Variants in PARD3 observed in about 807,000 individuals in gnomAD.
The protein encoded by PARD3 is partitioning defective 3 homolog.
Under a neutral mutation model 155.4 loss-of-function variants are expected in PARD3, and 75 were observed. The ratio of observed to expected loss-of-function variants is 0.48; its 90% confidence interval spans 0.40 to 0.58. The LOEUF (loss-of-function observed/expected upper bound fraction) is 0.58. Among genes scored for constraint, PARD3 ranks in the 20% least tolerant of loss-of-function variants. PARD3 has a pLI of 0.00. For missense variants in PARD3, 1,642 were observed against 1,721.7 expected (o/e 0.95, Z 0.82); for synonymous variants, 576 against 610.5 (o/e 0.94, Z 0.83).
In PARD3 at chr10:34,478,903, T is replaced by C. The variant is rs574873309; in HGVS notation, c.404-8640A>G. ...ATTTTTCTGAGGCATATTAAATCTA[T>C]ACCATTACAATTCTCACTCTGAAAC... On this transcript the variant is annotated intron_variant, in intron 3 of 24. Transcript: ENST00000374788. Among the ~76,000 whole-genome samples the C allele has an allele frequency of 6.6e-5, 10 of 152,280 alleles. No homozygotes were observed. The South Asian group carries it at 2.1e-3, about 32-fold the overall frequency.
chr10:34,474,209 C>T (rs2078549735), intron 3 of PARD3, among the ~76,000 whole-genome samples: 1 of 152,178 alleles, frequency 6.6e-6, no homozygotes, highest in Non-Finnish European at 1.5e-5. Context: ...GGCCAAATGA[C>T]ATCATAATGA....
intron 14 of PARD3, among the ~76,000 whole-genome samples, chr10:34,351,521 T>G (rs958386968): frequency 2.6e-5 from 4 of 152,178 alleles, no homozygotes; most frequent in Admixed American, 6.5e-5. Flanking sequence ...AAAACACAGA[T>G]TTTAGTTTTG....
At chr10:34,697,455 T>C (rs552065206) in intron 1 of PARD3, among the ~76,000 whole-genome samples, 45 of 152,248 alleles carry the variant, frequency 3.0e-4, no homozygotes, top group Admixed American at 2.1e-3. Flanking sequence ...CTGTTCCAGA[T>C]CTACTGACTA....
intron 1 of PARD3, among the ~76,000 whole-genome samples, chr10:34,795,922 A>C (rs1842200772): frequency 6.7e-6 from 1 of 148,446 alleles, no homozygotes; most frequent in African/African-American, 2.5e-5. Flanking sequence ...ACATAACATA[A>C]ATAAAAAAAT....
At chr10:34,797,508 C>A (rs981974433) in intron 1 of PARD3, among the ~76,000 whole-genome samples, 2 of 152,148 alleles carry the variant, frequency 1.3e-5, no homozygotes, top group African/African-American at 4.8e-5. Context: ...TGAAAGTGTG[C>A]CAACAGTCTT....
At chr10:34,690,707 G>A (rs927108940) in intron 2 of PARD3, among the ~76,000 whole-genome samples, 47 of 152,294 alleles carry the variant, frequency 3.1e-4, no homozygotes, top group African/African-American at 7.9e-4. Flanking sequence ...AAGGCACAAA[G>A]TCAAGGTGTA....
chr10:34,694,714 A>G (rs2094133917), intron 2 of PARD3, among the ~76,000 whole-genome samples: 1 of 152,042 alleles, frequency 6.6e-6, no homozygotes, highest in South Asian at 2.1e-4. Context: ...TGTATTCCTG[A>G]CCCACAGGAG....
intron 1 of PARD3, among the ~76,000 whole-genome samples, chr10:34,721,452 G>A (rs2094605181): frequency 6.6e-6 from 1 of 152,194 alleles, no homozygotes; most frequent in Non-Finnish European, 1.5e-5. Context: ...CCGGCAAGCT[G>A]AGGGCAGGGA....
chr10:34,114,119 A>T (rs1435112810), intron 24 of PARD3, among the ~76,000 whole-genome samples: 3 of 151,800 alleles, frequency 2.0e-5, no homozygotes, highest in African/African-American at 7.3e-5. Flanking sequence ...AAAATTAGCC[A>T]GGTGTGGTGG....
intron 22 of PARD3, among the ~76,000 whole-genome samples, chr10:34,221,783 G>A (rs1214315559): frequency 1.3e-5 from 2 of 152,166 alleles, no homozygotes; most frequent in Non-Finnish European, 2.9e-5. Context: ...TGGGGACAAT[G>A]TCCATGTGTA....
intron 3 of PARD3, among the ~76,000 whole-genome samples, chr10:34,483,506 G>GAGAAA (rs1554873727): frequency 7.0e-6 from 1 of 142,288 alleles, no homozygotes; most frequent in Non-Finnish European, 1.5e-5. Flanking sequence ...AAAAGAGAGA[G>GAGAAA]AAAAAAAAAC....
chr10:34,807,585 T>C (rs1843565529), intron 1 of PARD3, among the ~76,000 whole-genome samples: 1 of 152,214 alleles, frequency 6.6e-6, no homozygotes, highest in African/African-American at 2.4e-5. Flanking sequence ...ACTCTGGTCA[T>C]GTTATAGGAA....
chr10:34,619,434 G>A (rs1310497027), intron 2 of PARD3, among the ~76,000 whole-genome samples: 1 of 152,144 alleles, frequency 6.6e-6, no homozygotes, highest in Non-Finnish European at 1.5e-5. Context: ...CTACAATGGT[G>A]ATGCTGACAC....
At chr10:34,425,195 C>G (rs1194578397) in intron 5 of PARD3, among the ~76,000 whole-genome samples, 1 of 151,960 alleles carries the variant, frequency 6.6e-6, no homozygotes, top group East Asian at 1.9e-4. Context: ...TCTTTTGTCT[C>G]TCTCTTCTCA....
chr10:34,727,670 G>A (rs1039334437), intron 1 of PARD3, among the ~76,000 whole-genome samples: 4 of 151,760 alleles, frequency 2.6e-5, no homozygotes, highest in African/African-American at 4.8e-5. Flanking sequence ...TTCTGCTCCC[G>A]GTCTCTCATC....
intron 13 of PARD3, among the ~76,000 whole-genome samples, chr10:34,359,795 G>A (rs1370877120): frequency 1.3e-5 from 2 of 152,188 alleles, no homozygotes; most frequent in Non-Finnish European, 2.9e-5. Context: ...CGCCCATTCT[G>A]TGACAGGACC....
In PARD3 at chr10:34,696,321, G is replaced by T; in HGVS notation, c.219C>A (p.Asp73Glu). ...DILCDVADDK[D>E]RLVAVFDEQD... ...GTTCCCCAGGACCTGAACTCACTCT[G>T]TCTTTATCGTCTGCTACATCACAAA... The change falls in exon 2 of 25, where the codon GAC becomes GAA. Residue 73 changes from aspartate to glutamate, a missense_variant. By Grantham distance (45) the Asp-to-Glu change is conservative. Coordinates refer to ENST00000374788, the MANE Select transcript of PARD3 (RefSeq NM_001184785.2). 2 of 1,592,886 alleles carry T rather than the reference G, an allele frequency of 1.3e-6. No individual in the cohort carries two copies. Among genetic ancestry groups the T allele is most frequent in the Non-Finnish European group, 1.7e-6 (2 of 1,161,554 alleles).
intron 20 of PARD3, among the ~76,000 whole-genome samples, chr10:34,312,803 G>A (rs139089222): frequency 5.3e-5 from 8 of 152,232 alleles, no homozygotes; most frequent in Admixed American, 2.0e-4. Flanking sequence ...ATAAGGTCAC[G>A]TCTAAGAACC....
intron 2 of PARD3, among the ~76,000 whole-genome samples, chr10:34,549,044 G>T (rs115586281): frequency 1.6e-3 from 250 of 152,328 alleles, no homozygotes; most frequent in African/African-American, 5.7e-3. Context: ...CTCAGAGCTC[G>T]ACAGTTGCAT....
Sources: gnomAD v4.1 joint callset for allele counts (sites outside exome capture counted in the v4.1 genomes callset) on GRCh38, gnomAD v4.1.1 for gene constraint, MANE v1.5 for transcripts, NCBI Gene and HGNC (gene_info 2026-07-23, HGNC 2026-07-21) for gene names.